Variants in AFF3 observed in about 807,000 individuals in gnomAD.
AFF3 encodes AF4/FMR2 family member 3.
AFF3 carries 32 observed loss-of-function variants against 129.7 expected under a neutral mutation model. The observed-to-expected ratio is 0.25, with a 90% CI of 0.19 to 0.33. The LOEUF (loss-of-function observed/expected upper bound fraction) is 0.33. Ranked by LOEUF, AFF3 falls within the 10% of genes least tolerant of loss-of-function variation. AFF3 has a pLI of 1.00. For synonymous variants in AFF3, 644 were observed against 635.4 expected, an observed-to-expected ratio of 1.01 and a Z score of -0.20; for missense variants, 1,373 against 1,592.0, an observed-to-expected ratio of 0.86 and a Z score of 2.34.
At chr2:99,957,309 T>C (rs541676911) in intron 7 of AFF3, among the ~76,000 whole-genome samples, 3 of 152,352 alleles carry the variant, frequency 2.0e-5, no homozygotes, top group South Asian at 4.1e-4. Context: ...TTATCACTCT[T>C]ACTGGAAAGG....
At chr2:100,072,420 G>A (rs114062777) in intron 4 of AFF3, among the ~76,000 whole-genome samples, 4,939 of 152,156 alleles carry the variant, frequency 0.032, 266 homozygotes, top group African/African-American at 0.11. Flanking sequence ...CCACGAAACC[G>A]GTCCCTGGTG....
intron 11 of AFF3, among the ~76,000 whole-genome samples, chr2:99,708,952 A>G (rs1297841745): frequency 2.0e-5 from 3 of 152,200 alleles, no homozygotes; most frequent in African/African-American, 7.2e-5. Flanking sequence ...AAATTCTTAA[A>G]CTGGACTTTA....
intron 7 of AFF3, among the ~76,000 whole-genome samples, chr2:99,880,315 A>G (rs943775916): frequency 2.6e-5 from 4 of 152,208 alleles, no homozygotes; most frequent in African/African-American, 9.6e-5. Context: ...GGAGAGCCCA[A>G]CTGTGTTCTG....
chr2:100,037,694 T>TG (rs1685063628), intron 4 of AFF3, among the ~76,000 whole-genome samples: 1 of 123,510 alleles, frequency 8.1e-6, no homozygotes, highest in African/African-American at 3.1e-5. Context: ...ATATTTATAT[T>TG]TTATATATTA....
chr2:100,062,615 A>T (rs560208091), intron 4 of AFF3, among the ~76,000 whole-genome samples: 1 of 152,228 alleles, frequency 6.6e-6, no homozygotes, highest in Admixed American at 6.5e-5. Context: ...CAGCATCTGG[A>T]AGGCAATGGA....
intron 21 of AFF3, among the ~76,000 whole-genome samples, chr2:99,559,341 T>C (rs1357153973): frequency 2.0e-5 from 3 of 152,366 alleles, no homozygotes; most frequent in South Asian, 4.1e-4. Context: ...AGCCCCGCTC[T>C]GCGGAAAGGA....
chr2:100,006,873 T>G lies in AFF3; in HGVS notation c.632A>C (p.His211Pro). 6.2e-7 allele frequency: 1 copy of G among 1,614,178 alleles called. No homozygotes were observed. The highest frequency in any genetic ancestry group is 8.5e-7 in the Non-Finnish European group (1 of 1,180,034). ...AMAAKHSSSG[H>P]CVQNFPPSLA... ...GGATGGAGGAAAGTTCTGAACACAG[T>G]GTCCGCTGCTGCTGTGCTTGGCCGC... Residue 211 changes from histidine (H) to proline (P), a missense_variant, in exon 7 of 25, where the codon CAC becomes CCC. Around this residue, in one of 9 missense-constraint regions of AFF3, gnomAD observed 255 missense variants for 256.0 expected, o/e 1.00. Coordinates refer to ENST00000672756, the MANE Select transcript of AFF3 (RefSeq NM_001386135.1).
chr2:99,984,117 ATTT>A (rs556873809), intron 7 of AFF3, among the ~76,000 whole-genome samples: 218 of 152,330 alleles, frequency 1.4e-3, no homozygotes, highest in African/African-American at 4.9e-3. Flanking sequence ...TTAGTCTTTT[ATTT>A]TTTAATTTCA....
chr2:99,945,098 T>C (rs938224171), intron 7 of AFF3, among the ~76,000 whole-genome samples: 1 of 152,122 alleles, frequency 6.6e-6, no homozygotes, highest in Non-Finnish European at 1.5e-5. Flanking sequence ...CATGAGCACA[T>C]GTATAGAGGT....
intron 4 of AFF3, among the ~76,000 whole-genome samples, chr2:100,035,422 A>G (rs2104993954): frequency 6.6e-6 from 1 of 152,352 alleles, no homozygotes; most frequent in African/African-American, 2.4e-5. Flanking sequence ...AGACATCCCA[A>G]TGATGAACAA....
intron 7 of AFF3, among the ~76,000 whole-genome samples, chr2:99,927,105 G>C (rs1696305605): frequency 2.0e-5 from 3 of 152,118 alleles, no homozygotes; most frequent in Admixed American, 2.0e-4. Flanking sequence ...CTGCACTATG[G>C]ATATCCCCAC....
intron 13 of AFF3, among the ~76,000 whole-genome samples, chr2:99,609,835 C>G (rs1680745480): frequency 6.6e-6 from 1 of 152,150 alleles, no homozygotes; most frequent in Non-Finnish European, 1.5e-5. Context: ...AATTTTATCA[C>G]ATGTATAGAT....
chr2:99,609,508 A>G (rs753323957), intron 13 of AFF3, among the ~76,000 whole-genome samples: 10 of 152,170 alleles, frequency 6.6e-5, no homozygotes, highest in Non-Finnish European at 1.0e-4. Context: ...GAGTCACTTC[A>G]CTTAGAATAA....
intron 7 of AFF3, among the ~76,000 whole-genome samples, chr2:99,871,085 A>C (rs1187547461): frequency 6.6e-6 from 1 of 152,206 alleles, no homozygotes; most frequent in Non-Finnish European, 1.5e-5. Context: ...GCATTAACAC[A>C]AACTTTGTTT....
At chr2:99,885,175 C>G (rs531669435) in intron 7 of AFF3, among the ~76,000 whole-genome samples, 1 of 152,324 alleles carries the variant, frequency 6.6e-6, no homozygotes, top group South Asian at 2.1e-4. Flanking sequence ...TTCTTCTGAA[C>G]AGTCTACAGG....
chr2:99,554,660 T>C, intron 23 of AFF3, 23 bp downstream of exon 23: 2 of 1,614,092 alleles, frequency 1.2e-6, no homozygotes, highest in East Asian at 2.2e-5. Context: ...CTTACGGCAT[T>C]GACTTTGGAA....
intron 12 of AFF3, 128 bp downstream of exon 12, chr2:99,672,410 C>T: frequency 1.2e-6 from 1 of 801,054 alleles, no homozygotes; most frequent in Non-Finnish European, 2.1e-6. Context: ...TAGAAGCTCA[C>T]ACTTAGCAGA....
intron 17 of AFF3, among the ~76,000 whole-genome samples, chr2:99,582,538 T>A (rs1677670040): frequency 6.6e-6 from 1 of 152,216 alleles, no homozygotes; most frequent in South Asian, 2.1e-4. Context: ...TACTTTGAGG[T>A]CTTTTCTTTT....
chr2:100,119,152 G>A (rs1387125323), intron 2 of AFF3, among the ~76,000 whole-genome samples: 1 of 152,204 alleles, frequency 6.6e-6, no homozygotes, highest in Non-Finnish European at 1.5e-5. Context: ...TTCATGCAGA[G>A]ATGTGTGAGA....
Sources: gnomAD v4.1 joint callset for allele counts (sites outside exome capture counted in the v4.1 genomes callset) on GRCh38, gnomAD v4.1.1 for gene constraint, gnomAD v4.1.1 regional missense constraint, MANE v1.5 for transcripts, NCBI Gene and HGNC (gene_info 2026-07-23, HGNC 2026-07-21) for gene names.